The following BRSK1 variants were observed in gnomAD, a reference collection of about 807,000 sequenced individuals.
The protein encoded by BRSK1 is BR serine/threonine kinase 1.
Under a neutral mutation model 86.2 loss-of-function variants are expected in BRSK1, and 17 were observed. That is an observed-to-expected ratio of 0.20 (90% CI 0.14 to 0.30). BRSK1 has a LOEUF of 0.30. Among genes scored for constraint, BRSK1 ranks in the 10% least tolerant of loss-of-function variants. BRSK1 has a pLI of 1.00. For missense variants in BRSK1, 719 were observed against 1,071.9 expected, an observed-to-expected ratio of 0.67 and a Z score of 4.60; for synonymous variants, 464 against 440.1, an observed-to-expected ratio of 1.05 and a Z score of -0.68.
rs544585954 is a variant in BRSK1 at position 55,311,384 on chromosome 19, G to C, written c.2180-527G>C. Among the ~76,000 whole-genome samples the C allele has an allele frequency of 3.9e-5, 6 of 152,290 alleles. No individual in the cohort carries two copies. The East Asian group carries it at 1.2e-3, about 29-fold the overall frequency. On this transcript the variant is annotated intron_variant, in intron 18 of 18. Transcript: ENST00000309383. ...AGTGTTTCCACCTCAGTCCCCAAGAGGAGGTGGCCTCAGGACCCAGGAGAC... is the reference window on the plus strand; with the variant it reads ...AGTGTTTCCACCTCAGTCCCCAAGACGAGGTGGCCTCAGGACCCAGGAGAC...
In BRSK1 at chr19:55,302,314, G is replaced by A. The variant is rs951864134; in HGVS notation, c.857+146G>A. Reference sequence around the variant, plus strand: ...CGGACTTATGGGTCCTGGGGGAAGAGGACACAGCTAGAGAAGGAGTCTAGG... The same window carrying A: ...CGGACTTATGGGTCCTGGGGGAAGAAGACACAGCTAGAGAAGGAGTCTAGG... On this transcript the variant is annotated intron_variant, in intron 9 of 18. Coordinates refer to ENST00000309383, the MANE Select transcript of BRSK1 (RefSeq NM_032430.2). This position sits in a 1 kb window ranked among gnomAD's most constrained non-coding sequence, Gnocchi z 6.3. The A allele has an allele frequency of 3.2e-6, 3 of 936,420 alleles. No individual in the cohort carries two copies. Among genetic ancestry groups the A allele is most frequent in the African/African-American group, 1.6e-5 (1 of 61,876 alleles). The allele number at this position is 936,420 out of a possible 1,614,324, so 58.0% of individuals were successfully genotyped here.
rs755721806 is a variant in BRSK1 at position 55,302,907 on chromosome 19, G to T, written c.1028+40G>T. The stretch of plus-strand genomic sequence containing the variant: ...CCCCTGCACCCGTGTACCCACGTGG[G>T]GCGAGCTGCAGCAGCTCCCTGCGCA... On this transcript the variant is annotated intron_variant, in intron 10 of 18. Transcript: ENST00000309383. The surrounding 1 kb of genome is among the most constrained non-coding windows in gnomAD (Gnocchi z 6.3). 6.3e-7 allele frequency: 1 copy of T among 1,588,830 alleles called. No homozygotes were observed. The highest frequency in any genetic ancestry group is 1.1e-5 in the South Asian group (1 of 89,834).
Position 55,300,045 on chromosome 19 carries a change from T to C in BRSK1, c.679-1467T>C, listed in dbSNP as rs991119654. ...CCGTCCCGTATGATACGTTCGCTTG[T>C]TTGTTTCCTGTCCCCTCTGGAATGC... is the stretch of plus-strand genomic sequence containing the variant. On this transcript the variant is annotated intron_variant, in intron 7 of 18. Transcript: ENST00000309383. Among the ~76,000 whole-genome samples, 6 of 152,214 alleles carry C rather than the reference T, an allele frequency of 3.9e-5. No homozygotes were observed. In the East Asian group the frequency reaches 5.8e-4, roughly 15 times the overall value.
rs2088338757 is a variant in BRSK1 at position 55,287,644 on chromosome 19, T to C, written c.317+345T>C. Among the ~76,000 whole-genome samples the C allele has an allele frequency of 6.6e-6, 1 of 152,222 alleles. No individual in the cohort carries two copies. The highest frequency in any genetic ancestry group is 2.4e-5 in the African/African-American group (1 of 41,466). On this transcript the variant is annotated intron_variant, in intron 3 of 18. Transcript: ENST00000309383. The surrounding 1 kb of genome is among the most constrained non-coding windows in gnomAD (Gnocchi z 5.3). ...GCTATGGGCAGATGCCTCCTGTTTG[T>C]AAGGCAAGGGGCCTAGCAAAGCCCA...
At chr19:55,292,541 A>C (rs1469409358) in intron 4 of BRSK1, among the ~76,000 whole-genome samples, 1 of 152,126 alleles carries the variant, frequency 6.6e-6, no homozygotes, top group Non-Finnish European at 1.5e-5. Flanking sequence ...GTCTATTATA[A>C]AAAGTTTCCA....
chr19:55,304,500 C>T lies in BRSK1; in HGVS notation c.1348-51C>T. On this transcript the variant is annotated intron_variant, in intron 13 of 18. Coordinates refer to ENST00000309383, the MANE Select transcript of BRSK1 (RefSeq NM_032430.2). This position sits in a 1 kb window ranked among gnomAD's most constrained non-coding sequence, Gnocchi z 5.2. The stretch of plus-strand genomic sequence containing the variant: ...TGCGTGTGAGTGGGGCTCCTAGAGC[C>T]TCCTGGGAGTTGTAGTCCACTCGCT... 6.7e-7 allele frequency: 1 copy of T among 1,490,944 alleles called. No individual in the cohort carries two copies. Among genetic ancestry groups the T allele is most frequent in the South Asian group, 1.4e-5 (1 of 72,114 alleles). 92.4% of individuals were successfully genotyped at this position (1,490,944 alleles called of 1,614,324 possible). A position where few individuals can be genotyped will look rare whatever the true frequency, so the allele number is the denominator to read the frequency against.
Position 55,303,781 on chromosome 19 carries a change from C to A in BRSK1, c.1241C>A (p.Pro414His). Residue 414 changes from proline (P) to histidine (H), a missense_variant, in exon 12 of 19, where the codon CCT becomes CAT. This residue lies in a region of BRSK1 where 168 missense variants were observed against 246.3 expected (regional missense o/e 0.68). Coordinates refer to ENST00000309383, the MANE Select transcript of BRSK1 (RefSeq NM_032430.2). The surrounding 1 kb of genome is among the most constrained non-coding windows in gnomAD (Gnocchi z 5.1). Reference sequence around the variant, plus strand: ...ACCGATGCCGGGGGTGGTGGCTCCCCTGTACCCACCCGACGGGCCTTGGAG... The same window carrying A: ...ACCGATGCCGGGGGTGGTGGCTCCCATGTACCCACCCGACGGGCCTTGGAG... Reference protein sequence around the residue: ...SITDAGGGGSPVPTRRALEMA... With the variant: ...SITDAGGGGSHVPTRRALEMA... The A allele has an allele frequency of 6.2e-7, 1 of 1,608,032 alleles. No homozygotes were observed. The highest frequency in any genetic ancestry group is 1.1e-5 in the South Asian group (1 of 90,422).
chr19:55,309,227 C>T (rs745688660), intron 18 of BRSK1, among the ~76,000 whole-genome samples: 17 of 152,058 alleles, frequency 1.1e-4, no homozygotes, highest in Non-Finnish European at 2.2e-4. Flanking sequence ...GTCACCTCAC[C>T]CTGGGGCTAG....
At chr19:55,291,844 C>T (rs1284990663) in intron 4 of BRSK1, among the ~76,000 whole-genome samples, 2 of 152,208 alleles carry the variant, frequency 1.3e-5, no homozygotes, top group Non-Finnish European at 2.9e-5. Context: ...CTGCAACCTC[C>T]ACCTCCCAGG....
In BRSK1 at chr19:55,284,244, C is replaced by A; in HGVS notation, c.-199C>A. On this transcript the variant is annotated 5_prime_UTR_variant, in exon 1 of 19. Coordinates refer to ENST00000309383, the MANE Select transcript of BRSK1 (RefSeq NM_032430.2). ...CATGCTGACTCCCGGGGCCTGACCCCCCCGGGCCAGCCCCCCCTCCCCCAG... is the reference window on the plus strand; with the variant it reads ...CATGCTGACTCCCGGGGCCTGACCCACCCGGGCCAGCCCCCCCTCCCCCAG... 1 of 487,720 alleles carries A rather than the reference C, an allele frequency of 2.1e-6. No homozygotes were observed. Among genetic ancestry groups the A allele is most frequent in the Non-Finnish European group, 3.2e-6 (1 of 313,366 alleles). The allele number at this position is 487,720 out of a possible 1,614,324, so 30.2% of individuals were successfully genotyped here.
rs145564720 is a variant in BRSK1, at chr19:55,298,916, G to A, written c.679-2596G>A. 3.3e-4 allele frequency among the ~76,000 whole-genome samples: 50 copies of A among 152,262 alleles called. 1 individual carries two copies. Among genetic ancestry groups the A allele is most frequent in the East Asian group, 1.5e-3 (8 of 5,178 alleles). On this transcript the variant is annotated intron_variant, in intron 7 of 18. Coordinates refer to ENST00000309383, the MANE Select transcript of BRSK1 (RefSeq NM_032430.2). ...TGTAGTGCTGCTGGCCATGAGTTCCGCGTCAATGACACAGTACATATGAAA... is the reference window on the plus strand; with the variant it reads ...TGTAGTGCTGCTGGCCATGAGTTCCACGTCAATGACACAGTACATATGAAA...
rs1458306846 is a variant in BRSK1 at position 55,284,242 on chromosome 19, C to G, written c.-201C>G. On this transcript the variant is annotated 5_prime_UTR_variant, in exon 1 of 19. Transcript: ENST00000309383. ...GCCATGCTGACTCCCGGGGCCTGAC[C>G]CCCCCGGGCCAGCCCCCCCTCCCCC... 2 of 488,678 alleles carry G rather than the reference C, an allele frequency of 4.1e-6. No homozygotes were observed. 30.3% of individuals were successfully genotyped at this position (488,678 alleles called of 1,614,324 possible). A position where few individuals can be genotyped will look rare whatever the true frequency, so the allele number is the denominator to read the frequency against.
chr19:55,306,351 C>A lies in BRSK1; in HGVS notation c.1990C>A (p.Gln664Lys). ...CGTCTTCCAAAAGCCCGTCCGCTTC[C>A]AGGTGGACATCAGCTCCTCTGAGGG... The part of the protein sequence containing the change: ...PSVFQKPVRF[Q>K]VDISSSEGPE... The change falls in exon 17 of 19, where the codon CAG (glutamine) becomes AAG (lysine). Residue 664 changes from glutamine to lysine, a missense_variant. Physicochemically the swap from Gln to Lys is moderately conservative, Grantham distance 53 (BLOSUM62 1). Coordinates refer to ENST00000309383, the MANE Select transcript of BRSK1 (RefSeq NM_032430.2). This position sits in a 1 kb window ranked among gnomAD's most constrained non-coding sequence, Gnocchi z 4.7. 2 of 1,614,116 alleles carry A rather than the reference C, an allele frequency of 1.2e-6. No individual in the cohort carries two copies. The highest frequency in any genetic ancestry group is 1.7e-6 in the Non-Finnish European group (2 of 1,180,038).
At position 55,304,719 on chromosome 19, in the gene BRSK1, C is replaced by T; in HGVS notation, c.1516C>T (p.Pro506Ser). 4.0e-6 allele frequency: 6 copies of T among 1,508,240 alleles called. No individual in the cohort carries two copies. Among genetic ancestry groups the T allele is most frequent in the African/African-American group, 2.8e-5 (2 of 71,254 alleles). The allele number at this position is 1,508,240 out of a possible 1,614,324, so 93.4% of individuals were successfully genotyped here. Residue 506 changes from proline (P) to serine (S), a missense_variant, in exon 14 of 19, where the codon CCA becomes TCA. By Grantham distance (74) the Pro-to-Ser change is moderately conservative. Around this residue, in one of 6 missense-constraint regions of BRSK1, gnomAD observed 143 missense variants for 120.1 expected, o/e 1.19. Coordinates refer to ENST00000309383, the MANE Select transcript of BRSK1 (RefSeq NM_032430.2). The surrounding 1 kb of genome is among the most constrained non-coding windows in gnomAD (Gnocchi z 5.2). Reference sequence around the variant, plus strand: ...CCGCTCCACACCCCTGCCCGGCCCCCCAGGCTCCCCGCGCTCCTCTGGCGG... The same window carrying T: ...CCGCTCCACACCCCTGCCCGGCCCCTCAGGCTCCCCGCGCTCCTCTGGCGG... ...SARSTPLPGP[P>S]GSPRSSGGTP...
intron 7 of BRSK1, among the ~76,000 whole-genome samples, chr19:55,297,164 C>T (rs2088501061): frequency 6.6e-6 from 1 of 152,132 alleles, no homozygotes; most frequent in African/African-American, 2.4e-5. Context: ...GCAACCTCCA[C>T]CTCCTGGATT....
rs2088602686 is a variant in BRSK1 at position 55,303,486 on chromosome 19, C to T, written c.1126+78C>T. 3 of 1,527,730 alleles carry T rather than the reference C, an allele frequency of 2.0e-6. No homozygotes were observed. Among genetic ancestry groups the T allele is most frequent in the South Asian group, 1.1e-5 (1 of 88,970 alleles). The allele number at this position is 1,527,730 out of a possible 1,614,324, so 94.6% of individuals were successfully genotyped here. ...GCTGGCCACGGGGACCCCAGATTCC[C>T]AAGGAAAGAAGGGGCTGCAGGCTCT... On this transcript the variant is annotated intron_variant, in intron 11 of 18. Transcript: ENST00000309383. The surrounding 1 kb of genome is among the most constrained non-coding windows in gnomAD (Gnocchi z 5.1).
rs757429135 is a variant in BRSK1 at position 55,287,169 on chromosome 19, C to T, written c.232-45C>T. ...CCGGGGCTGAGGGCAGGGGCGGGGCCGTGCTGACCTCTTTTCCCGTGTCCC... is the reference window on the plus strand; with the variant it reads ...CCGGGGCTGAGGGCAGGGGCGGGGCTGTGCTGACCTCTTTTCCCGTGTCCC... On this transcript the variant is annotated intron_variant, in intron 2 of 18. Coordinates refer to ENST00000309383, the MANE Select transcript of BRSK1 (RefSeq NM_032430.2). The surrounding 1 kb of genome is among the most constrained non-coding windows in gnomAD (Gnocchi z 5.3). 61 of 1,612,318 alleles carry T rather than the reference C, an allele frequency of 3.8e-5. No homozygotes were observed. Among genetic ancestry groups the T allele is most frequent in the Admixed American group, 5.0e-5 (3 of 59,994 alleles).
rs536618174 is a variant in BRSK1, at chr19:55,303,796, G to A, written c.1256G>A (p.Arg419Gln). Residue 419 changes from arginine to glutamine, a missense_variant, in exon 12 of 19, where the codon CGG becomes CAG. Coordinates refer to ENST00000309383, the MANE Select transcript of BRSK1 (RefSeq NM_032430.2). This position sits in a 1 kb window ranked among gnomAD's most constrained non-coding sequence, Gnocchi z 5.1. ...GGGGSPVPTR[R>Q]ALEMAQHSQR... ...GGTGGCTCCCCTGTACCCACCCGAC[G>A]GGCCTTGGAGATGGCCCAGCACAGC... 50 of 1,596,086 alleles carry A rather than the reference G, an allele frequency of 3.1e-5. No individual in the cohort carries two copies. The Middle Eastern group carries it at 5.0e-4, about 16-fold the overall frequency.
chr19:55,308,024 GTTT>G (rs563131841), intron 17 of BRSK1, among the ~76,000 whole-genome samples: 5 of 139,536 alleles, frequency 3.6e-5, no homozygotes, highest in Admixed American at 7.2e-5. Flanking sequence ...TTGTTGTTTG[GTTT>G]TTTTTTTTTT....
Sources: allele counts gnomAD v4.1 joint callset (sites outside exome capture counted in the v4.1 genomes callset), GRCh38; gene constraint gnomAD v4.1.1; regional missense constraint gnomAD v4.1.1; non-coding constraint Gnocchi (gnomAD v3.1); transcripts MANE v1.5; gene names NCBI Gene and HGNC (gene_info 2026-07-23, HGNC 2026-07-21).